The following ISCA1 variants were observed in gnomAD, a reference collection of about 807,000 sequenced individuals.
ISCA1 encodes the protein iron-sulfur cluster assembly 1 homolog, mitochondrial.
ISCA1 carries 9 observed loss-of-function variants against 14.7 expected under a neutral mutation model. That is an observed-to-expected ratio of 0.61 (90% CI 0.37 to 1.07). The LOEUF is 1.07. ISCA1 is among the 50% of genes least tolerant of loss of function. The pLI, the probability that ISCA1 is intolerant of heterozygous loss-of-function variation, is 0.01. For synonymous variants in ISCA1, 38 were observed against 54.3 expected (o/e 0.70, Z 1.32); for missense variants, 102 against 150.1 (o/e 0.68, Z 1.67).
At chr9:86,267,301 C>A (rs1825302971) in intron 3 of ISCA1, 7 of 818,782 alleles carry the variant, frequency 8.5e-6, no homozygotes, top group Non-Finnish European at 1.0e-5. Flanking sequence ...TAAATATAAA[C>A]AATATATAAT....
At position 86,267,539 on chromosome 9, in the gene ISCA1, A is replaced by G. The variant is rs1003143159; in HGVS notation, c.242-1348T>C. The G allele has an allele frequency of 5.2e-6, 5 of 967,010 alleles. No individual in the cohort carries two copies. In the African/African-American group the frequency reaches 8.8e-5, roughly 17 times the overall value. 59.9% of individuals were successfully genotyped at this position (967,010 alleles called of 1,614,324 possible). ...TATTTTAGATAGGTTTTAACAGATT[A>G]TAGGGTGGAAGAAGGGGGCAGCAGC... is the stretch of plus-strand genomic sequence containing the variant. On this transcript the variant is annotated intron_variant, in intron 3 of 3. Transcript: ENST00000375991.
chr9:86,267,210 G>T, intron 3 of ISCA1: 1 of 501,374 alleles, frequency 2.0e-6, no homozygotes, highest in Non-Finnish European at 2.6e-6. Flanking sequence ...GGGTAAGAGA[G>T]CAAGACTCTG....
intron 1 of ISCA1, among the ~76,000 whole-genome samples, chr9:86,277,417 C>T (rs1442174002): frequency 7.2e-5 from 11 of 152,062 alleles, no homozygotes; most frequent in Admixed American, 1.3e-4. Flanking sequence ...TTAGAACTTT[C>T]AAAGTGACTG....
Position 86,266,090 on chromosome 9 carries a change from G to A in ISCA1, c.343C>T (p.Pro115Ser). The A allele has an allele frequency of 1.2e-6, 2 of 1,612,770 alleles. No homozygotes were observed. The highest frequency in any genetic ancestry group is 2.2e-5 in the East Asian group (1 of 44,878). ...KLSSEFVFNN[P>S]NIKGTCGCGE... ...CAGCCACAAGTCCCTTTGATGTTTG[G>A]GTTATTGAACACAAACTCACTGGAT... Residue 115 changes from proline (P) to serine (S), a missense_variant, in exon 4 of 4, where the codon CCA becomes TCA. Physicochemically the swap from Pro to Ser is moderately conservative, Grantham distance 74 (BLOSUM62 -1). Coordinates refer to ENST00000375991, the MANE Select transcript of ISCA1 (RefSeq NM_030940.4).
At chr9:86,277,737 G>A (rs191859763) in intron 1 of ISCA1, among the ~76,000 whole-genome samples, 1 of 152,266 alleles carries the variant, frequency 6.6e-6, no homozygotes, top group East Asian at 1.9e-4. Flanking sequence ...TAGCTTACCT[G>A]AGATTTGGCC....
chr9:86,282,161 C>CA, intron 1 of ISCA1: 1 of 574,220 alleles, frequency 1.7e-6, no homozygotes, highest in Non-Finnish European at 3.0e-6. Context: ...AACGTAGTTT[C>CA]CGGGGCCAAG....
chr9:86,277,725 T>C (rs906417936), intron 1 of ISCA1, among the ~76,000 whole-genome samples: 1 of 152,200 alleles, frequency 6.6e-6, no homozygotes, highest in Non-Finnish European at 1.5e-5. Flanking sequence ...TATTAATGAA[T>C]ATAGCTTACC....
intron 1 of ISCA1, among the ~76,000 whole-genome samples, chr9:86,279,783 C>T (rs1825486207): frequency 6.6e-6 from 1 of 152,308 alleles, no homozygotes; most frequent in South Asian, 2.1e-4. Flanking sequence ...TTGACGGCAT[C>T]ACTACTTTTG....
intron 1 of ISCA1, 124 bp downstream of exon 1, chr9:86,282,254 G>A: frequency 9.2e-7 from 1 of 1,084,806 alleles, no homozygotes. Context: ...CGGCGGGTCG[G>A]AGCGACGCCG....
At chr9:86,282,041 A>G (rs9314750) in intron 1 of ISCA1, 200,717 of 273,824 alleles carry the variant, frequency 0.73, 76,153 homozygotes, top group East Asian at 0.99. Flanking sequence ...CTTAACCGGA[A>G]CGGCCGAACA....
At chr9:86,272,269 C>T (rs1241951636) in intron 2 of ISCA1, among the ~76,000 whole-genome samples, 157 bp from the exon 3 acceptor site, 1 of 152,176 alleles carries the variant, frequency 6.6e-6, no homozygotes, top group African/African-American at 2.4e-5. Flanking sequence ...GTCTCAAACT[C>T]GTGGACTCAA....
At chr9:86,270,423 C>T (rs1172186653) in intron 3 of ISCA1, among the ~76,000 whole-genome samples, 5 of 150,352 alleles carry the variant, frequency 3.3e-5, no homozygotes, top group Non-Finnish European at 6.0e-5. Flanking sequence ...GAATGGCAAT[C>T]ATTAAAAAGT....
At chr9:86,280,577 C>T (rs188674225) in intron 1 of ISCA1, among the ~76,000 whole-genome samples, 38 of 140,392 alleles carry the variant, frequency 2.7e-4, no homozygotes, top group Middle Eastern at 3.9e-3. Flanking sequence ...CCTGGGCAAC[C>T]CAGCGAAACC....
chr9:86,268,709 CTTTTTT>C lies in ISCA1; in HGVS notation c.242-2524_242-2519del, dbSNP rs898837684. On this transcript the variant is annotated intron_variant, in intron 3 of 3. Coordinates refer to ENST00000375991, the MANE Select transcript of ISCA1 (RefSeq NM_030940.4). ...TTCTTCTTCTTCTTCCTTTTTTTTT[CTTTTTT>C]TTAAGAGATGGAGGTCTCGCTATGT... Among the ~76,000 whole-genome samples, 4 of 150,170 alleles carry C rather than the reference CTTTTTT, an allele frequency of 2.7e-5. No homozygotes were observed. The South Asian group carries it at 8.4e-4, about 31-fold the overall frequency.
chr9:86,269,738 A>G (rs1033867520), intron 3 of ISCA1, among the ~76,000 whole-genome samples: 2 of 151,838 alleles, frequency 1.3e-5, no homozygotes, highest in African/African-American at 2.4e-5. Context: ...TGGTACCAAA[A>G]CAGAGATATA....
intron 2 of ISCA1, among the ~76,000 whole-genome samples, chr9:86,272,427 G>A (rs565673917): frequency 2.0e-4 from 31 of 152,280 alleles, no homozygotes; most frequent in Admixed American, 4.6e-4. Context: ...GGATTCACCA[G>A]GGTTCATAGT....
intron 3 of ISCA1, among the ~76,000 whole-genome samples, chr9:86,270,513 A>C (rs1224625705): frequency 3.8e-4 from 57 of 150,398 alleles, no homozygotes; most frequent in African/African-American, 1.2e-3. Flanking sequence ...AACTAGTTCA[A>C]CCATTGTGGA....
chr9:86,273,861 A>G (rs1388735965), intron 2 of ISCA1, among the ~76,000 whole-genome samples: 4 of 152,218 alleles, frequency 2.6e-5, no homozygotes, highest in Non-Finnish European at 4.4e-5. Context: ...AGATGCTGTC[A>G]AACATTCTAC....
At position 86,265,731 on chromosome 9, in the gene ISCA1, C is replaced by T. The variant is rs1825285612; in HGVS notation, c.*312G>A. On this transcript the variant is annotated 3_prime_UTR_variant, in exon 4 of 4. Transcript: ENST00000375991. The stretch of plus-strand genomic sequence containing the variant: ...AAATGCTGAGGGATGATCAAGCCAT[C>T]AATAGCGATCTAAGGAGTGCACACA... The T allele has an allele frequency of 2.7e-6, 1 of 367,166 alleles. No individual in the cohort carries two copies. The highest frequency in any genetic ancestry group is 4.5e-5 in the Admixed American group (1 of 22,458). 22.7% of individuals were successfully genotyped at this position (367,166 alleles called of 1,614,324 possible). A position where few individuals can be genotyped will look rare whatever the true frequency, so the allele number is the denominator to read the frequency against.
Sources: allele counts gnomAD v4.1 joint callset (sites outside exome capture counted in the v4.1 genomes callset), GRCh38; gene constraint gnomAD v4.1.1; transcripts MANE v1.5; gene names NCBI Gene and HGNC (gene_info 2026-07-23, HGNC 2026-07-21).